Variants in DNER observed in about 807,000 individuals in gnomAD.
The protein encoded by DNER is delta/notch like EGF repeat containing, also known as delta and Notch-like epidermal growth factor-related receptor.
A neutral mutation model predicts 78.2 loss-of-function variants in DNER; 33 were observed. The ratio of observed to expected loss-of-function variants is 0.42; its 90% CI spans 0.32 to 0.56. The LOEUF (loss-of-function observed/expected upper bound fraction) is 0.56, where lower values mean the gene tolerates loss of function less well. Ranked by LOEUF, DNER falls within the 20% of genes least tolerant of loss-of-function variation. The probability of loss-of-function intolerance (pLI) is 0.11; values close to 1 mark genes in which losing one functional copy is unlikely to be tolerated. For missense variants in DNER, 918 were observed against 975.3 expected (o/e 0.94, Z 0.78); for synonymous variants, 417 against 384.8 (o/e 1.08, Z -0.98).
chr2:229,623,367 C>T (rs976516257), intron 1 of DNER, among the ~76,000 whole-genome samples: 17 of 152,084 alleles, frequency 1.1e-4, no homozygotes, highest in African/African-American at 3.6e-4. Flanking sequence ...GCTGCCTGGC[C>T]ATTTCCCCTC....
intron 1 of DNER, among the ~76,000 whole-genome samples, chr2:229,654,488 A>G (rs1698878637): frequency 6.6e-6 from 1 of 152,236 alleles, no homozygotes; most frequent in African/African-American, 2.4e-5. Context: ...TTTCAATATG[A>G]ATTTATTACA....
intron 1 of DNER, among the ~76,000 whole-genome samples, chr2:229,599,133 G>A (rs185124282): frequency 6.6e-6 from 1 of 152,192 alleles, no homozygotes; most frequent in African/African-American, 2.4e-5. Context: ...GACCCAGCAC[G>A]ACGCTGGCCA....
rs55973585 is a variant in DNER, at chr2:229,421,628, A to AATATAT, written c.1487-3404_1487-3399dup. On this transcript the variant is annotated intron_variant, in intron 8 of 12. Coordinates refer to ENST00000341772, the MANE Select transcript of DNER (RefSeq NM_139072.4). Reference sequence around the variant, plus strand: ...TAGTGGTAAAAAACATACAACATGAAATATATATATATATATAGAGAGAGA... The same window carrying AATATAT: ...TAGTGGTAAAAAACATACAACATGAAATATATATATATATATATATATAGAGAGAGA... Among the ~76,000 whole-genome samples, 1,241 of 133,246 alleles carry AATATAT rather than the reference A, an allele frequency of 9.3e-3. 6 individuals carry two copies. Among genetic ancestry groups the AATATAT allele is most frequent in the African/African-American group, 0.014 (521 of 38,002 alleles). The allele number at this position is 133,246 out of a possible 152,430, so 87.4% of individuals were successfully genotyped here.
chr2:229,609,641 C>T (rs1315408127), intron 1 of DNER, among the ~76,000 whole-genome samples: 1 of 152,070 alleles, frequency 6.6e-6, no homozygotes, highest in African/African-American at 2.4e-5. Context: ...TGCACTAGGC[C>T]CTGAATACAT....
chr2:229,379,872 A>C (rs1340504121), intron 11 of DNER, among the ~76,000 whole-genome samples: 1 of 152,188 alleles, frequency 6.6e-6, no homozygotes, highest in African/African-American at 2.4e-5. Flanking sequence ...TTAGAATTTT[A>C]CCATTGAAAT....
chr2:229,707,136 C>T (rs941371328), intron 1 of DNER, among the ~76,000 whole-genome samples: 51 of 151,560 alleles, frequency 3.4e-4, no homozygotes, highest in African/African-American at 1.1e-3. Flanking sequence ...GCCTCAGCCT[C>T]CTGAGTAGCT....
intron 1 of DNER, among the ~76,000 whole-genome samples, chr2:229,608,877 C>G (rs1050309551): frequency 6.6e-6 from 1 of 152,092 alleles, no homozygotes; most frequent in East Asian, 1.9e-4. Flanking sequence ...TTATACTATT[C>G]TCCATTCTTT....
intron 4 of DNER, among the ~76,000 whole-genome samples, chr2:229,552,422 A>C (rs996505478): frequency 1.3e-5 from 2 of 152,174 alleles, no homozygotes; most frequent in Non-Finnish European, 2.9e-5. Context: ...GTCCCCACCC[A>C]AATTTCATTG....
At chr2:229,690,225 G>A (rs1260326770) in intron 1 of DNER, among the ~76,000 whole-genome samples, 2 of 152,156 alleles carry the variant, frequency 1.3e-5, no homozygotes, top group East Asian at 1.9e-4. Context: ...GCATTTTAAA[G>A]CTCACCTAGA....
chr2:229,445,655 A>G (rs1694325674), intron 8 of DNER, among the ~76,000 whole-genome samples: 1 of 152,228 alleles, frequency 6.6e-6, no homozygotes, highest in Admixed American at 6.5e-5. Context: ...GAAATAATTC[A>G]GCTCAAGACA....
intron 5 of DNER, among the ~76,000 whole-genome samples, chr2:229,519,412 C>T (rs1310981418): frequency 1.3e-5 from 2 of 151,758 alleles, no homozygotes; most frequent in Non-Finnish European, 2.9e-5. Flanking sequence ...TTTTTGATAT[C>T]CCAGTGACAT....
intron 4 of DNER, among the ~76,000 whole-genome samples, chr2:229,551,040 G>T (rs1696725822): frequency 6.6e-6 from 1 of 152,146 alleles, no homozygotes; most frequent in South Asian, 2.1e-4. Flanking sequence ...TTTACTCAAA[G>T]TATTGCTTGA....
chr2:229,645,254 G>T (rs1698697527), intron 1 of DNER, among the ~76,000 whole-genome samples: 1 of 152,170 alleles, frequency 6.6e-6, no homozygotes, highest in African/African-American at 2.4e-5. Context: ...GGATCCTCCT[G>T]CTTCAGCCTT....
chr2:229,365,482 G>A (rs1692323925), intron 12 of DNER, among the ~76,000 whole-genome samples: 1 of 152,212 alleles, frequency 6.6e-6, no homozygotes, highest in Non-Finnish European at 1.5e-5. Flanking sequence ...TGTCGACCAG[G>A]TTGGAGTGCA....
At chr2:229,632,054 T>A (rs1281040725) in intron 1 of DNER, among the ~76,000 whole-genome samples, 1 of 152,216 alleles carries the variant, frequency 6.6e-6, no homozygotes, top group African/African-American at 2.4e-5. Context: ...TAATATAAAG[T>A]ACTCTTGTCA....
At chr2:229,400,072 C>T (rs1308921222) in intron 10 of DNER, among the ~76,000 whole-genome samples, 2 of 151,932 alleles carry the variant, frequency 1.3e-5, no homozygotes, top group African/African-American at 4.8e-5. Flanking sequence ...AATTCTGATA[C>T]TGCTATACCT....
chr2:229,681,852 A>ACACT, intron 1 of DNER, among the ~76,000 whole-genome samples: 2 of 151,488 alleles, frequency 1.3e-5, no homozygotes. Flanking sequence ...ACACACACAC[A>ACACT]CACACACACA....
chr2:229,675,781 C>A (rs1699291861), intron 1 of DNER, among the ~76,000 whole-genome samples: 1 of 152,170 alleles, frequency 6.6e-6, no homozygotes, highest in Non-Finnish European at 1.5e-5. Context: ...AAACCAGACC[C>A]AGCTCTTCAG....
At chr2:229,545,792 G>A (rs1457366055) in intron 5 of DNER, among the ~76,000 whole-genome samples, 1 of 152,092 alleles carries the variant, frequency 6.6e-6, no homozygotes, top group East Asian at 1.9e-4. Flanking sequence ...TTCTGATGCC[G>A]GCTCCACAAA....
Sources: allele counts gnomAD v4.1 joint callset (sites outside exome capture counted in the v4.1 genomes callset), GRCh38; gene constraint gnomAD v4.1.1; transcripts MANE v1.5; gene names NCBI Gene and HGNC (gene_info 2026-07-23, HGNC 2026-07-21).